Variants in PCSK5 observed in about 807,000 individuals in gnomAD.
The protein encoded by PCSK5 is prohormone convertase 5.
Under a neutral mutation model 233.2 loss-of-function variants are expected in PCSK5, and 129 were observed. The ratio of observed to expected loss-of-function variants is 0.55; its 90% confidence interval spans 0.48 to 0.64. The LOEUF is 0.64. PCSK5 is among the 30% of genes least tolerant of loss of function. PCSK5 has a pLI of 0.00. For synonymous variants in PCSK5, 825 were observed against 879.2 expected (o/e 0.94, Z 1.09); for missense variants, 2,076 against 2,430.1 (o/e 0.85, Z 3.06).
At chr9:76,239,450 T>C (rs1037890051) in intron 23 of PCSK5, among the ~76,000 whole-genome samples, 10 of 151,934 alleles carry the variant, frequency 6.6e-5, no homozygotes, top group Non-Finnish European at 1.0e-4. Flanking sequence ...ATCCCAGCAC[T>C]TTGGGAGGCT....
intron 8 of PCSK5, among the ~76,000 whole-genome samples, chr9:76,103,023 C>A (rs1408973154): frequency 2.0e-5 from 3 of 152,302 alleles, no homozygotes; most frequent in African/African-American, 2.4e-5. Context: ...TTTACAGATT[C>A]TTTTAGCAAC....
chr9:76,218,418 G>A (rs1260072944), intron 20 of PCSK5, among the ~76,000 whole-genome samples: 1 of 152,076 alleles, frequency 6.6e-6, no homozygotes, highest in Non-Finnish European at 1.5e-5. Context: ...ATTCCTCAGG[G>A]GCAGGAGAAA....
chr9:76,134,689 G>A (rs930376763), intron 10 of PCSK5, among the ~76,000 whole-genome samples: 1 of 151,826 alleles, frequency 6.6e-6, no homozygotes, highest in Admixed American at 6.6e-5. Context: ...AAGAAAAGCA[G>A]GTAATAATTC....
chr9:75,989,779 CTT>C lies in PCSK5; in HGVS notation c.411+3537_411+3538del, dbSNP rs569705492. On this transcript the variant is annotated intron_variant, in intron 3 of 37. Transcript: ENST00000674117. ...GAGATCGTGTTGGAAGTAGTGATGT[CTT>C]TTATGACATCTAACCTCAGAAGTCA... Among the ~76,000 whole-genome samples the C allele has an allele frequency of 3.4e-4, 51 of 152,228 alleles. No homozygotes were observed. In the South Asian group the frequency reaches 0.011, roughly 32 times the overall value.
intron 7 of PCSK5, among the ~76,000 whole-genome samples, chr9:76,088,719 G>GTCT (rs1017292399): frequency 2.6e-5 from 4 of 152,134 alleles, no homozygotes; most frequent in African/African-American, 9.7e-5. Flanking sequence ...TCCCATAGAT[G>GTCT]TCTTCATACA....
At chr9:75,905,831 T>C (rs180694349) in intron 1 of PCSK5, among the ~76,000 whole-genome samples, 21 of 152,264 alleles carry the variant, frequency 1.4e-4, no homozygotes, top group Admixed American at 5.2e-4. Context: ...TGGAACAGTT[T>C]CATCCCAAAA....
At chr9:76,133,529 T>C (rs1161095362) in intron 9 of PCSK5, among the ~76,000 whole-genome samples, 1 of 152,056 alleles carries the variant, frequency 6.6e-6, no homozygotes, top group African/African-American at 2.4e-5. Flanking sequence ...CTGCTGTCTG[T>C]GCCTTGGAGC....
chr9:76,101,447 A>C (rs1163726577), intron 8 of PCSK5, among the ~76,000 whole-genome samples: 1 of 152,210 alleles, frequency 6.6e-6, no homozygotes, highest in Non-Finnish European at 1.5e-5. Flanking sequence ...AAAGCCTAAA[A>C]GATCCTATCT....
intron 12 of PCSK5, among the ~76,000 whole-genome samples, chr9:76,159,839 T>TG (rs1822771904): frequency 7.2e-6 from 1 of 138,226 alleles, no homozygotes; most frequent in Non-Finnish European, 1.6e-5. Flanking sequence ...TTTTTTTTTT[T>TG]GAGAGACGGA....
At chr9:76,213,021 A>G (rs1825388226) in intron 20 of PCSK5, among the ~76,000 whole-genome samples, 1 of 152,200 alleles carries the variant, frequency 6.6e-6, no homozygotes. Context: ...ATTGTCACAA[A>G]GCTATCATTT....
intron 24 of PCSK5, among the ~76,000 whole-genome samples, chr9:76,260,330 G>A (rs1827129135): frequency 6.6e-6 from 1 of 152,166 alleles, no homozygotes; most frequent in African/African-American, 2.4e-5. Flanking sequence ...ACCCTACACA[G>A]CAAGAGGACT....
At chr9:76,347,628 C>T (rs549088758) in intron 35 of PCSK5, among the ~76,000 whole-genome samples, 2 of 152,070 alleles carry the variant, frequency 1.3e-5, no homozygotes, top group East Asian at 1.9e-4. Flanking sequence ...CAGTGGCTCA[C>T]GACTGTAATC....
At chr9:76,296,992 G>T (rs1420682120) in intron 27 of PCSK5, 127 bp downstream of exon 27, 3 of 661,842 alleles carry the variant, frequency 4.5e-6, no homozygotes, top group Non-Finnish European at 2.7e-6. Context: ...AGTTTGGAGT[G>T]AGAATCAAGT....
intron 10 of PCSK5, among the ~76,000 whole-genome samples, chr9:76,147,396 T>C (rs545498853): frequency 2.8e-4 from 43 of 152,338 alleles, no homozygotes; most frequent in African/African-American, 1.0e-3. Flanking sequence ...TTGAGAATCA[T>C]GCCTATAGAG....
chr9:75,922,255 A>G (rs1344832918), intron 1 of PCSK5, among the ~76,000 whole-genome samples: 3 of 152,202 alleles, frequency 2.0e-5, no homozygotes, highest in Non-Finnish European at 4.4e-5. Context: ...GAACCAAGTT[A>G]AAAAGAGTTC....
intron 24 of PCSK5, among the ~76,000 whole-genome samples, chr9:76,278,173 C>T (rs1458213199): frequency 1.3e-5 from 2 of 152,110 alleles, no homozygotes; most frequent in African/African-American, 2.4e-5. Context: ...CTGAAAGCCA[C>T]GAGTCTCAGG....
At chr9:76,249,979 G>C (rs1450531965) in intron 24 of PCSK5, among the ~76,000 whole-genome samples, 1 of 152,150 alleles carries the variant, frequency 6.6e-6, no homozygotes, top group Non-Finnish European at 1.5e-5. Flanking sequence ...TCATGCAAAA[G>C]AATACCAAAT....
intron 2 of PCSK5, among the ~76,000 whole-genome samples, chr9:75,933,727 CTG>C (rs1035337979): frequency 1.3e-5 from 2 of 152,150 alleles, no homozygotes; most frequent in African/African-American, 4.8e-5. Context: ...TTTTCATGGT[CTG>C]TGGATTACAC....
chr9:75,916,437 A>G (rs1027617397), intron 1 of PCSK5, among the ~76,000 whole-genome samples: 1 of 152,210 alleles, frequency 6.6e-6, no homozygotes, highest in Non-Finnish European at 1.5e-5. Context: ...GGTGCTGGCA[A>G]TATAGCGGTG....
Sources: allele counts gnomAD v4.1 joint callset (sites outside exome capture counted in the v4.1 genomes callset), GRCh38; gene constraint gnomAD v4.1.1; transcripts MANE v1.5; gene names NCBI Gene and HGNC (gene_info 2026-07-23, HGNC 2026-07-21).